The following GABBR2 variants were observed in gnomAD, a reference collection of about 807,000 sequenced individuals.
GABBR2 encodes G-protein coupled receptor 51.
In GABBR2, 23 loss-of-function variants were observed where a neutral mutation model predicts 105.6. That is an observed-to-expected ratio of 0.22 (90% CI 0.16 to 0.31). The LOEUF (loss-of-function observed/expected upper bound fraction) is 0.31, where lower values mean the gene tolerates loss of function less well. GABBR2 is among the 10% of genes least tolerant of loss of function. The pLI, the probability that GABBR2 is intolerant of heterozygous loss-of-function variation, is 1.00. For missense variants in GABBR2, 734 were observed against 1,245.5 expected (o/e 0.59, Z 6.18); for synonymous variants, 478 against 499.7 (o/e 0.96, Z 0.58).
intron 15 of GABBR2, among the ~76,000 whole-genome samples, chr9:98,305,658 T>C (rs753742003): frequency 1.3e-5 from 2 of 152,002 alleles, no homozygotes; most frequent in Non-Finnish European, 2.9e-5. Flanking sequence ...CTATAAAAAA[T>C]TTAAAAATTA....
intron 1 of GABBR2, among the ~76,000 whole-genome samples, chr9:98,631,585 T>C (rs1829817137): frequency 6.6e-6 from 1 of 152,242 alleles, no homozygotes; most frequent in African/African-American, 2.4e-5. Flanking sequence ...CTGACAATAC[T>C]ATGATTCATA....
intron 13 of GABBR2, among the ~76,000 whole-genome samples, chr9:98,361,590 G>A (rs1161291177): frequency 5.9e-5 from 9 of 152,152 alleles, no homozygotes; most frequent in Non-Finnish European, 1.0e-4. Flanking sequence ...CAGGGTGAAT[G>A]GTGACCAGAT....
intron 13 of GABBR2, among the ~76,000 whole-genome samples, chr9:98,344,107 C>T (rs1831262372): frequency 6.6e-6 from 1 of 152,078 alleles, no homozygotes; most frequent in Non-Finnish European, 1.5e-5. Context: ...TTCCAGTCTC[C>T]AAACATGCAC....
At chr9:98,566,686 A>T (rs1828755408) in intron 2 of GABBR2, among the ~76,000 whole-genome samples, 1 of 152,002 alleles carries the variant, frequency 6.6e-6, no homozygotes, top group Non-Finnish European at 1.5e-5. Context: ...AAAAGAAAAA[A>T]AAAATTTAAA....
At chr9:98,610,314 G>A (rs939674750) in intron 1 of GABBR2, among the ~76,000 whole-genome samples, 1 of 152,226 alleles carries the variant, frequency 6.6e-6, no homozygotes, top group Non-Finnish European at 1.5e-5. Context: ...CCCATCTGGA[G>A]CAGTCAGGAC....
chr9:98,506,976 C>T (rs985713227), intron 3 of GABBR2, among the ~76,000 whole-genome samples: 5 of 152,184 alleles, frequency 3.3e-5, no homozygotes, highest in Admixed American at 2.0e-4. Context: ...CACTGCTCCT[C>T]GGAGGCCTGT....
chr9:98,680,729 T>C (rs995578919), intron 1 of GABBR2, among the ~76,000 whole-genome samples: 2 of 152,166 alleles, frequency 1.3e-5, no homozygotes, highest in African/African-American at 2.4e-5. Flanking sequence ...AGACTTCCCT[T>C]ATGAGATATT....
intron 1 of GABBR2, among the ~76,000 whole-genome samples, chr9:98,663,691 C>T (rs74520069): frequency 6.6e-6 from 1 of 151,888 alleles, no homozygotes; most frequent in Admixed American, 6.6e-5. Context: ...GATCCCTTGC[C>T]CAGTTTATGG....
At chr9:98,658,766 G>A (rs1365294675) in intron 1 of GABBR2, among the ~76,000 whole-genome samples, 1 of 152,172 alleles carries the variant, frequency 6.6e-6, no homozygotes, top group Non-Finnish European at 1.5e-5. Context: ...TGAATGTCCC[G>A]TGGTAATAGT....
In GABBR2 at chr9:98,548,542, GT is replaced by G. The variant is rs199742427; in HGVS notation, c.460-6500del. Among the ~76,000 whole-genome samples the G allele has an allele frequency of 3.0e-4, 35 of 114,922 alleles. 8 individuals are homozygous for G. Among genetic ancestry groups the G allele is most frequent in the South Asian group, 6.1e-4 (2 of 3,294 alleles). The allele number at this position is 114,922 out of a possible 152,430, so 75.4% of individuals were successfully genotyped here. ...GTGCTCCCCTCCTCTTCTCATCCAG[GT>G]TTTTTTTCCCCCTAGGAATGTATAG... is the stretch of plus-strand genomic sequence containing the variant. On this transcript the variant is annotated intron_variant, in intron 2 of 18. Transcript: ENST00000259455.
chr9:98,319,065 G>A (rs1223092781), intron 13 of GABBR2, among the ~76,000 whole-genome samples: 1 of 152,134 alleles, frequency 6.6e-6, no homozygotes, highest in Non-Finnish European at 1.5e-5. Context: ...AGGATGCCTA[G>A]GCAGGGAGGG....
At chr9:98,505,087 C>A (rs557506870) in intron 3 of GABBR2, among the ~76,000 whole-genome samples, 2 of 152,284 alleles carry the variant, frequency 1.3e-5, no homozygotes, top group Non-Finnish European at 2.9e-5. Context: ...TGCCAAAAAA[C>A]CCCATAGCTT....
At chr9:98,447,063 C>CTTTTTTTTTT (rs369338702) in intron 7 of GABBR2, among the ~76,000 whole-genome samples, 21 of 116,326 alleles carry the variant, frequency 1.8e-4, no homozygotes, top group African/African-American at 4.5e-4. Flanking sequence ...AAAAAGACTT[C>CTTTTTTTTTT]TTTTTTTTTT....
At chr9:98,537,184 A>G (rs2131734866) in intron 3 of GABBR2, among the ~76,000 whole-genome samples, 1 of 152,320 alleles carries the variant, frequency 6.6e-6, no homozygotes, top group Non-Finnish European at 1.5e-5. Flanking sequence ...CAGATGCTCC[A>G]TCCATACAAG....
At chr9:98,295,495 A>C (rs1830365512) in intron 17 of GABBR2, among the ~76,000 whole-genome samples, 1 of 152,118 alleles carries the variant, frequency 6.6e-6, no homozygotes, top group Non-Finnish European at 1.5e-5. Flanking sequence ...GTTGGCTGTG[A>C]GTGCAATGCT....
At chr9:98,428,565 T>C (rs1825740807) in intron 7 of GABBR2, among the ~76,000 whole-genome samples, 1 of 152,162 alleles carries the variant, frequency 6.6e-6, no homozygotes, top group Non-Finnish European at 1.5e-5. Context: ...GAGACCCACT[T>C]GGCCCCATGC....
chr9:98,438,273 C>G (rs990541758), intron 7 of GABBR2, among the ~76,000 whole-genome samples: 1 of 152,136 alleles, frequency 6.6e-6, no homozygotes, highest in African/African-American at 2.4e-5. Context: ...TCACTCCTTC[C>G]ACTCAGCCAT....
intron 9 of GABBR2, among the ~76,000 whole-genome samples, chr9:98,393,029 C>CCCATCCAT (rs71369559): frequency 0.015 from 1,802 of 123,068 alleles, 33 homozygotes; most frequent in African/African-American, 0.038. Flanking sequence ...CATGCATCCA[C>CCCATCCAT]CCATCCATCC....
At chr9:98,314,440 C>T (rs933255922) in intron 13 of GABBR2, among the ~76,000 whole-genome samples, 1 of 151,984 alleles carries the variant, frequency 6.6e-6, no homozygotes, top group Non-Finnish European at 1.5e-5. Flanking sequence ...CCTGTCTTTT[C>T]CTCTACAATG....
Sources: gnomAD v4.1 joint callset for allele counts (sites outside exome capture counted in the v4.1 genomes callset) on GRCh38, gnomAD v4.1.1 for gene constraint, MANE v1.5 for transcripts, NCBI Gene and HGNC (gene_info 2026-07-23, HGNC 2026-07-21) for gene names.